The following PSMG2 variants were observed in gnomAD, a reference collection of about 807,000 sequenced individuals.
The protein encoded by PSMG2 is CD40 ligand-activated specific transcript 3.
PSMG2 carries 21 observed loss-of-function variants against 31.5 expected under a neutral mutation model. That is an observed-to-expected ratio of 0.67 (90% CI 0.47 to 0.96). PSMG2 has a LOEUF of 0.96. Ranked by LOEUF, PSMG2 falls within the 40% of genes least tolerant of loss-of-function variation. The probability of loss-of-function intolerance (pLI) is 0.00; values close to 1 mark genes in which losing one functional copy is unlikely to be tolerated. For missense variants in PSMG2, 318 were observed against 321.2 expected, an observed-to-expected ratio of 0.99 and a Z score of 0.08; for synonymous variants, 120 against 110.4, an observed-to-expected ratio of 1.09 and a Z score of -0.54.
At chr18:12,720,148 C>T (rs1439100230) in intron 4 of PSMG2, among the ~76,000 whole-genome samples, 1 of 152,134 alleles carries the variant, frequency 6.6e-6, no homozygotes, top group Non-Finnish European at 1.5e-5. Context: ...TGATGTAGAT[C>T]ATAACTTTTA....
intron 3 of PSMG2, among the ~76,000 whole-genome samples, chr18:12,718,251 C>T (rs1026154701): frequency 3.9e-5 from 6 of 152,098 alleles, no homozygotes; most frequent in African/African-American, 7.2e-5. Flanking sequence ...TCAGGTGATC[C>T]GCCTGCCTCC....
intron 3 of PSMG2, among the ~76,000 whole-genome samples, chr18:12,713,546 A>T (rs1251179234): frequency 6.6e-6 from 1 of 152,122 alleles, no homozygotes; most frequent in South Asian, 2.1e-4. Context: ...TTATCTCCTC[A>T]TGCTAACTCA....
intron 1 of PSMG2, among the ~76,000 whole-genome samples, chr18:12,705,576 A>AGAGTGTTT: frequency 7.7e-6 from 1 of 129,778 alleles, no homozygotes; most frequent in East Asian, 2.5e-4. Context: ...AGAGAGAGAG[A>AGAGTGTTT]GTGTGTGTGT....
chr18:12,659,905 AACAG>A (rs1271502161), intron 1 of PSMG2, among the ~76,000 whole-genome samples: 6 of 152,340 alleles, frequency 3.9e-5, no homozygotes, highest in African/African-American at 1.4e-4. Context: ...CTTGATTAAA[AACAG>A]ACAAACATTC....
Position 12,683,756 on chromosome 18 carries a change from A to T in PSMG2, c.-36-22794A>T, listed in dbSNP as rs550092500. Among the ~76,000 whole-genome samples the T allele has an allele frequency of 3.2e-4, 47 of 148,422 alleles. 1 individual carries two copies. The highest frequency in any genetic ancestry group is 1.7e-3 in the Admixed American group (25 of 14,728). Reference sequence around the variant, plus strand: ...ACAAGAGGAAAACTCTGTCTCATTTAAAAAAAAAAGGAAATCAGAAAGACT... The same window carrying T: ...ACAAGAGGAAAACTCTGTCTCATTTTAAAAAAAAAGGAAATCAGAAAGACT... On this transcript the variant is annotated intron_variant, in intron 1 of 6. Coordinates refer to the PSMG2 transcript ENST00000585331.
At chr18:12,697,320 A>C in intron 1 of PSMG2, 2 of 1,613,972 alleles carry the variant, frequency 1.2e-6, no homozygotes, top group Non-Finnish European at 1.7e-6. Flanking sequence ...AAGTCGTCTC[A>C]CCAAATATGT....
intron 1 of PSMG2, chr18:12,697,118 A>T: frequency 2.5e-6 from 2 of 799,564 alleles, no homozygotes; most frequent in Non-Finnish European, 3.8e-6. Flanking sequence ...ATTCTATTTT[A>T]CAGGTTTCCC....
chr18:12,698,865 TAG>T, upstream of PSMG2: 1 of 729,146 alleles, frequency 1.4e-6, no homozygotes, highest in Non-Finnish European at 2.2e-6. Flanking sequence ...GGAAACAAAA[TAG>T]AGATTCCTCC....
chr18:12,695,365 T>TG, intron 1 of PSMG2: 1 of 1,288,794 alleles, frequency 7.8e-7, no homozygotes, highest in Non-Finnish European at 1.1e-6. Flanking sequence ...TAAACATAAA[T>TG]ATTTTGAACT....
chr18:12,691,094 GT>G, intron 1 of PSMG2: 1 of 309,328 alleles, frequency 3.2e-6, no homozygotes, highest in East Asian at 5.9e-5. Flanking sequence ...TTCAGAAAGG[GT>G]TTAAAACACA....
At chr18:12,678,185 GCA>G in intron 1 of PSMG2, 1 of 1,614,164 alleles carries the variant, frequency 6.2e-7, no homozygotes, top group Non-Finnish European at 8.5e-7. Flanking sequence ...AATTGTGGAT[GCA>G]CACAGAGGTG....
intron 2 of PSMG2, among the ~76,000 whole-genome samples, chr18:12,710,990 C>T (rs1315844105): frequency 3.9e-5 from 6 of 152,104 alleles, no homozygotes; most frequent in Non-Finnish European, 7.4e-5. Flanking sequence ...ATCCCAGCTA[C>T]TCAGGAGGCT....
At chr18:12,712,854 T>C in intron 3 of PSMG2, 94 bp downstream of exon 3, 1 of 904,738 alleles carries the variant, frequency 1.1e-6, no homozygotes, top group Non-Finnish European at 1.8e-6. Flanking sequence ...CTACTGTTTT[T>C]ACCATATGTA....
intron 1 of PSMG2, among the ~76,000 whole-genome samples, chr18:12,668,382 A>G (rs2038848923): frequency 6.6e-6 from 1 of 152,006 alleles, no homozygotes; most frequent in African/African-American, 2.4e-5. Flanking sequence ...ACTTGAGATC[A>G]GGAGTTTGAG....
intron 1 of PSMG2, chr18:12,674,811 C>T (rs908935465): frequency 9.1e-7 from 1 of 1,094,276 alleles, no homozygotes; most frequent in Non-Finnish European, 1.3e-6. Flanking sequence ...TTAAAACCAA[C>T]TAAATAAAAA....
chr18:12,683,186 CAAAAAA>C (rs765652085), intron 1 of PSMG2, among the ~76,000 whole-genome samples: 1 of 63,662 alleles, frequency 1.6e-5, no homozygotes, highest in Non-Finnish European at 3.1e-5. Context: ...CTAAAAATAC[CAAAAAA>C]AAAAAAAAAA....
chr18:12,677,308 CAT>C (rs1302486923), intron 1 of PSMG2, among the ~76,000 whole-genome samples: 1 of 151,860 alleles, frequency 6.6e-6, no homozygotes, highest in Non-Finnish European at 1.5e-5. Flanking sequence ...CGTGGTAGCA[CAT>C]GTCTATAATC....
At chr18:12,659,943 T>G (rs2038661718) in intron 1 of PSMG2, among the ~76,000 whole-genome samples, 1 of 152,180 alleles carries the variant, frequency 6.6e-6, no homozygotes, top group African/African-American at 2.4e-5. Flanking sequence ...TTTCAAAAGT[T>G]TATCCTGTGT....
At chr18:12,705,570 A>AGTGTGTGT (rs1361528977) in intron 1 of PSMG2, among the ~76,000 whole-genome samples, 4,102 of 125,818 alleles carry the variant, frequency 0.033, 58 homozygotes, top group East Asian at 0.08. Flanking sequence ...AGAGAGAGAG[A>AGTGTGTGT]GAGAGAGTGT....
Sources: gnomAD v4.1 joint callset for allele counts (sites outside exome capture counted in the v4.1 genomes callset) on GRCh38, gnomAD v4.1.1 for gene constraint, MANE v1.5 for transcripts, NCBI Gene and HGNC (gene_info 2026-07-23, HGNC 2026-07-21) for gene names.